Variants in UGT1A8 observed in about 807,000 individuals in gnomAD.
UGT1A8 encodes the protein UDP glucuronosyltransferase family 1 member A8.
Under a neutral mutation model 45.3 loss-of-function variants are expected in UGT1A8, and 39 were observed. The ratio of observed to expected loss-of-function variants is 0.86; its 90% CI spans 0.67 to 1.12. UGT1A8 has a LOEUF of 1.12. UGT1A8 is among the 50% of genes most tolerant of loss of function. The pLI is 0.00. For synonymous variants in UGT1A8, 275 were observed against 249.2 expected (o/e 1.10, Z -0.97); for missense variants, 719 against 664.9 (o/e 1.08, Z -0.90).
intron 1 of UGT1A8, among the ~76,000 whole-genome samples, chr2:233,737,114 T>A (rs79657348): frequency 0.021 from 3,211 of 152,324 alleles, 101 homozygotes; most frequent in African/African-American, 0.073. Context: ...TCCCCACATG[T>A]TCAGAAGTTG....
intron 1 of UGT1A8, among the ~76,000 whole-genome samples, chr2:233,748,829 G>T (rs1192020175): frequency 6.6e-6 from 1 of 151,330 alleles, no homozygotes. Context: ...GTCTAGGGAG[G>T]AGATAAAACT....
chr2:233,658,606 G>A (rs998803784), intron 1 of UGT1A8, among the ~76,000 whole-genome samples: 5 of 152,162 alleles, frequency 3.3e-5, no homozygotes, highest in Non-Finnish European at 7.3e-5. Context: ...ATGTTTCTCA[G>A]TCTTGGTTTG....
chr2:233,639,023 T>TG (rs1472355624), intron 1 of UGT1A8, among the ~76,000 whole-genome samples: 3 of 152,128 alleles, frequency 2.0e-5, no homozygotes, highest in East Asian at 3.9e-4. Context: ...TTCGGCCGAG[T>TG]TGAGGATCTG....
At chr2:233,688,922 G>T (rs1298474821) in intron 1 of UGT1A8, among the ~76,000 whole-genome samples, 3 of 152,188 alleles carry the variant, frequency 2.0e-5, no homozygotes, top group Admixed American at 6.5e-5. Context: ...GCCAAGCAGG[G>T]AAGATGGCAG....
rs61729911 is a variant in UGT1A8 at position 233,743,597 on chromosome 2, T to C, written c.856-23437T>C. 389 of 1,367,326 alleles carry C rather than the reference T, an allele frequency of 2.8e-4. 8 individuals carry two copies. The African/African-American group carries it at 4.3e-3, about 15-fold the overall frequency. 84.7% of individuals were successfully genotyped at this position (1,367,326 alleles called of 1,614,324 possible). A position where few individuals can be genotyped will look rare whatever the true frequency, so the allele number is the denominator to read the frequency against. On this transcript the variant is annotated intron_variant, in intron 1 of 4. Transcript: ENST00000373450. Reference sequence around the variant, plus strand: ...CAAGAGGTCAAAGGAGAATGGGTCCTGGCCGCCGAAGAACTCCCTGAAGAC... The same window carrying C: ...CAAGAGGTCAAAGGAGAATGGGTCCCGGCCGCCGAAGAACTCCCTGAAGAC...
rs186890365 is a variant in UGT1A8, at chr2:233,713,915, T to C, written c.856-53119T>C. ...TCCAGGCAAAACACTTTTTAAAAAA[T>C]GTATTTACTTACAAGTGCTTCCATA... On this transcript the variant is annotated intron_variant, in intron 1 of 4. Coordinates refer to ENST00000373450, the MANE Select transcript of UGT1A8 (RefSeq NM_019076.5). The C allele has an allele frequency of 2.9e-3, 4,603 of 1,612,454 alleles. 7 individuals are homozygous for C. Among genetic ancestry groups the C allele is most frequent in the Non-Finnish European group, 3.4e-3 (3,989 of 1,179,862 alleles).
intron 1 of UGT1A8, among the ~76,000 whole-genome samples, chr2:233,739,419 C>T (rs1027033873): frequency 2.0e-5 from 3 of 152,176 alleles, no homozygotes; most frequent in African/African-American, 4.8e-5. Flanking sequence ...TGAAAGCAGC[C>T]AGGACGAGGG....
chr2:233,639,159 C>T (rs1296307062), intron 1 of UGT1A8, among the ~76,000 whole-genome samples: 1 of 152,044 alleles, frequency 6.6e-6, no homozygotes, highest in African/African-American at 2.4e-5. Flanking sequence ...AAAAATGAAA[C>T]ATTAAACTAT....
intron 1 of UGT1A8, among the ~76,000 whole-genome samples, chr2:233,623,131 T>G (rs1447900142): frequency 2.6e-5 from 4 of 152,192 alleles, no homozygotes; most frequent in African/African-American, 9.6e-5. Context: ...TACTGTAGCC[T>G]TGTGATTTAG....
At chr2:233,656,398 T>G (rs1041131765) in intron 1 of UGT1A8, among the ~76,000 whole-genome samples, 3 of 152,210 alleles carry the variant, frequency 2.0e-5, no homozygotes, top group Admixed American at 2.0e-4. Context: ...AAGCAGTATT[T>G]GTGGCTTATG....
chr2:233,647,166 C>T (rs898176260), intron 1 of UGT1A8, among the ~76,000 whole-genome samples: 1 of 152,190 alleles, frequency 6.6e-6, no homozygotes, highest in Non-Finnish European at 1.5e-5. Context: ...GGGAAACGCC[C>T]AGCCCCATGA....
intron 1 of UGT1A8, among the ~76,000 whole-genome samples, chr2:233,711,778 T>G (rs1300616599): frequency 3.9e-5 from 6 of 152,154 alleles, no homozygotes; most frequent in Admixed American, 3.9e-4. Flanking sequence ...AGATAGAAAG[T>G]GTGCACAGCC....
At chr2:233,772,194 T>C (rs921300076) in intron 4 of UGT1A8, 68 bp from the exon 5 acceptor site, 7 of 1,602,000 alleles carry the variant, frequency 4.4e-6, no homozygotes, top group Non-Finnish European at 6.0e-6. Context: ...TAAGCAGCCA[T>C]GAGCATAAAG....
intron 1 of UGT1A8, chr2:233,729,534 C>A: frequency 6.2e-7 from 1 of 1,614,090 alleles, no homozygotes; most frequent in Non-Finnish European, 8.5e-7. Flanking sequence ...ATAATGAGGC[C>A]CTGATCAGGC....
chr2:233,729,726 C>T, intron 1 of UGT1A8: 2 of 1,613,934 alleles, frequency 1.2e-6, no homozygotes, highest in African/African-American at 2.7e-5. Context: ...TACTAACAAC[C>T]AATTCAGACC....
intron 1 of UGT1A8, among the ~76,000 whole-genome samples, chr2:233,619,773 T>C (rs762149125): frequency 3.2e-4 from 49 of 152,218 alleles, no homozygotes; most frequent in Non-Finnish European, 5.7e-4. Flanking sequence ...ACTTTTCTTA[T>C]TATTTTGTAG....
At chr2:233,621,862 T>C (rs2073013069) in intron 1 of UGT1A8, among the ~76,000 whole-genome samples, 1 of 152,176 alleles carries the variant, frequency 6.6e-6, no homozygotes, top group Non-Finnish European at 1.5e-5. Flanking sequence ...GTATTTCTCC[T>C]AATGCTATCC....
intron 1 of UGT1A8, among the ~76,000 whole-genome samples, chr2:233,701,132 A>C (rs1303969880): frequency 1.3e-5 from 2 of 152,144 alleles, no homozygotes; most frequent in African/African-American, 4.8e-5. Context: ...AGGGACATTT[A>C]GGTTGGTTCC....
chr2:233,618,224 G>T lies in UGT1A8; in HGVS notation c.517G>T (p.Ala173Ser), dbSNP rs1001887001. Residue 173 changes from alanine (A) to serine (S), a missense_variant, in exon 1 of 5, where the codon GCT becomes TCT. Physicochemically the swap from Ala to Ser is moderately conservative, Grantham distance 99. Transcript: ENST00000373450. ...CTCTGTGGTCTTCGCCAGGGGAATA[G>T]CTTGCCACTATCTTGAAGAAGGTGC... ...LPSVVFARGI[A>S]CHYLEEGAQC... 28 of 1,613,808 alleles carry T rather than the reference G, an allele frequency of 1.7e-5. No homozygotes were observed. The highest frequency in any genetic ancestry group is 2.2e-5 in the East Asian group (1 of 44,874).
Sources: gnomAD v4.1 joint callset for allele counts (sites outside exome capture counted in the v4.1 genomes callset) on GRCh38, gnomAD v4.1.1 for gene constraint, MANE v1.5 for transcripts, NCBI Gene and HGNC (gene_info 2026-07-23, HGNC 2026-07-21) for gene names.